The following PSD2 variants were observed in gnomAD, a reference collection of about 807,000 sequenced individuals.
The protein encoded by PSD2 is pleckstrin and Sec7 domain containing 2, also known as PH and SEC7 domain-containing protein 2.
Under a neutral mutation model 69.8 loss-of-function variants are expected in PSD2, and 38 were observed. The observed-to-expected ratio is 0.54, with a 90% CI of 0.42 to 0.71. PSD2 has a LOEUF of 0.71. PSD2 is among the 30% of genes least tolerant of loss of function. The pLI, the probability that PSD2 is intolerant of heterozygous loss-of-function variation, is 0.00. For missense variants in PSD2, 943 were observed against 1,014.5 expected, an observed-to-expected ratio of 0.93 and a Z score of 0.96; for synonymous variants, 412 against 423.0, an observed-to-expected ratio of 0.97 and a Z score of 0.32.
the PSD2 span, among the ~76,000 whole-genome samples, chr5:139,766,140 G>A: frequency 6.6e-6 from 1 of 152,120 alleles, no homozygotes; most frequent in East Asian, 1.9e-4. Flanking sequence ...ATGGTGGTGG[G>A]GGTGGATCGC....
the PSD2 span, among the ~76,000 whole-genome samples, chr5:139,788,450 G>A: frequency 6.6e-6 from 1 of 152,230 alleles, no homozygotes; most frequent in Non-Finnish European, 1.5e-5. Flanking sequence ...GGCACGGACT[G>A]GCCACTCTAA....
At chr5:139,759,256 A>T in the PSD2 span, among the ~76,000 whole-genome samples, 2,883 of 152,096 alleles carry the variant, frequency 0.019, 85 homozygotes, top group African/African-American at 0.066. Context: ...CTGCCTCTGG[A>T]CGCTGAAAAA....
At chr5:139,803,083 T>C (rs1200358253) in intron 1 of PSD2, among the ~76,000 whole-genome samples, 1 of 152,240 alleles carries the variant, frequency 6.6e-6, no homozygotes, top group Non-Finnish European at 1.5e-5. Flanking sequence ...GCGTAGGTTC[T>C]TGGCCCTTGC....
the PSD2 span, among the ~76,000 whole-genome samples, chr5:139,765,378 C>G: frequency 6.6e-6 from 1 of 151,932 alleles, no homozygotes; most frequent in African/African-American, 2.4e-5. Flanking sequence ...CACCCACTGC[C>G]CCCAGTACCT....
chr5:139,837,105 A>G lies in PSD2; in HGVS notation c.1595-63A>G, dbSNP rs1760742861. On this transcript the variant is annotated intron_variant, in intron 10 of 14. Transcript: ENST00000274710. The surrounding 1 kb of genome is among the most constrained non-coding windows in gnomAD (Gnocchi z 5.0). ...AACATACAGGTGGACACGTAGTGGGAGGTGGGGTTGGAGAGACTGCAGAGG... is the reference window on the plus strand; with the variant it reads ...AACATACAGGTGGACACGTAGTGGGGGGTGGGGTTGGAGAGACTGCAGAGG... 5.0e-6 allele frequency: 8 copies of G among 1,599,816 alleles called. No individual in the cohort carries two copies. In the Admixed American group the frequency reaches 1.3e-4, roughly 27 times the overall value.
At chr5:139,760,320 T>C in the PSD2 span, among the ~76,000 whole-genome samples, 6 of 152,198 alleles carry the variant, frequency 3.9e-5, no homozygotes, top group Non-Finnish European at 2.9e-5. Flanking sequence ...TTACCTATAA[T>C]TGGATTGAGC....
At chr5:139,830,626 CTCTTTCTTTCTTTCTT>C (rs56225945) in intron 7 of PSD2, among the ~76,000 whole-genome samples, 1 of 97,662 alleles carries the variant, frequency 1.0e-5, no homozygotes, top group Non-Finnish European at 1.8e-5. Context: ...TTCTTTCTTT[CTCTTTCTTTCTTTCTT>C]TCTTTCTTTC....
chr5:139,764,383 C>G, the PSD2 span, among the ~76,000 whole-genome samples: 9 of 152,108 alleles, frequency 5.9e-5, no homozygotes, highest in African/African-American at 2.2e-4. Context: ...AGCTGGGGCG[C>G]GTACGTACAT....
chr5:139,763,212 G>A, the PSD2 span, among the ~76,000 whole-genome samples: 1 of 152,044 alleles, frequency 6.6e-6, no homozygotes, highest in Non-Finnish European at 1.5e-5. Flanking sequence ...AGGTGTGTGG[G>A]ACTCTTCCTT....
At chr5:139,780,809 G>A in the PSD2 span, among the ~76,000 whole-genome samples, 1 of 152,182 alleles carries the variant, frequency 6.6e-6, no homozygotes, top group African/African-American at 2.4e-5. Flanking sequence ...AATGATGAGA[G>A]TAGCAAACTC....
the PSD2 span, among the ~76,000 whole-genome samples, chr5:139,781,097 A>G: frequency 1.3e-5 from 2 of 152,180 alleles, no homozygotes; most frequent in African/African-American, 4.8e-5. Context: ...CACATTGAGC[A>G]TGCCTCTAAT....
At chr5:139,773,035 G>A in the PSD2 span, 5 of 152,074 alleles carry the variant, frequency 3.3e-5, no homozygotes, top group Non-Finnish European at 5.9e-5. Context: ...TTTATTTACG[G>A]TAAAATATAC....
chr5:139,791,104 A>G (rs955855459), upstream of PSD2, among the ~76,000 whole-genome samples: 26 of 152,066 alleles, frequency 1.7e-4, no homozygotes, highest in Non-Finnish European at 3.2e-4. Context: ...GGACCTGGCT[A>G]CACAGGCAAA....
chr5:139,831,234 T>C (rs752911911), intron 7 of PSD2, among the ~76,000 whole-genome samples: 5 of 152,214 alleles, frequency 3.3e-5, no homozygotes, highest in Non-Finnish European at 7.3e-5. Flanking sequence ...CAGACATTAG[T>C]GTAGCTATAC....
the PSD2 span, among the ~76,000 whole-genome samples, chr5:139,783,023 C>A: frequency 6.6e-6 from 1 of 152,200 alleles, no homozygotes; most frequent in Non-Finnish European, 1.5e-5. Flanking sequence ...CCTCCAGCCT[C>A]TGGTCATGTC....
chr5:139,746,373 A>T, the PSD2 span: 1 of 152,120 alleles, frequency 6.6e-6, no homozygotes, highest in African/African-American at 2.4e-5. The surrounding 1 kb of genome is among the most constrained non-coding windows in gnomAD (Gnocchi z 4.5). Flanking sequence ...AACTTCATCA[A>T]CTCAGCGAAG....
At chr5:139,768,311 A>T in the PSD2 span, among the ~76,000 whole-genome samples, 1 of 152,260 alleles carries the variant, frequency 6.6e-6, no homozygotes, top group Non-Finnish European at 1.5e-5. Context: ...CTGAGAGGCC[A>T]GTGGGCTGGT....
chr5:139,768,244 G>A, the PSD2 span, among the ~76,000 whole-genome samples: 2 of 152,246 alleles, frequency 1.3e-5, no homozygotes, highest in Non-Finnish European at 1.5e-5. Flanking sequence ...ACAGGCCCCA[G>A]CTGGGAGAGA....
At chr5:139,796,652 A>G (rs929765257) in intron 1 of PSD2, among the ~76,000 whole-genome samples, 1 of 152,064 alleles carries the variant, frequency 6.6e-6, no homozygotes, top group Non-Finnish European at 1.5e-5. Flanking sequence ...ACTGGGGACA[A>G]CCCTGCCCAG....
Sources: allele counts gnomAD v4.1 joint callset (sites outside exome capture counted in the v4.1 genomes callset), GRCh38; gene constraint gnomAD v4.1.1; non-coding constraint Gnocchi (gnomAD v3.1); transcripts MANE v1.5; gene names NCBI Gene and HGNC (gene_info 2026-07-23, HGNC 2026-07-21).